CPS1: variants seen among roughly 807,000 people sequenced by gnomAD.
CPS1 encodes the protein carbamoyl-phosphate synthase 1, also known as carbamoyl-phosphate synthase [ammonia], mitochondrial.
CPS1 carries 109 observed loss-of-function variants against 174.6 expected under a neutral mutation model. The observed-to-expected ratio is 0.62, with a 90% CI of 0.53 to 0.73. The LOEUF is 0.73. Among genes scored for constraint, CPS1 ranks in the 30% least tolerant of loss-of-function variants. CPS1 has a pLI of 0.00. For missense variants in CPS1, 1,689 were observed against 1,821.9 expected, an observed-to-expected ratio of 0.93 and a Z score of 1.33; for synonymous variants, 637 against 632.0, an observed-to-expected ratio of 1.01 and a Z score of -0.12.
At chr2:210,585,854 A>T (rs374628398) in intron 6 of CPS1, among the ~76,000 whole-genome samples, 1 of 151,802 alleles carries the variant, frequency 6.6e-6, no homozygotes, top group African/African-American at 2.4e-5. Context: ...CTCTGCTTGT[A>T]TGGGTATCCT....
chr2:210,658,329 T>C, intron 30 of CPS1: 1 of 392,704 alleles, frequency 2.5e-6, no homozygotes, highest in East Asian at 5.8e-5. Flanking sequence ...AACCAGGTTA[T>C]ATAATTGTAG....
intron 5 of CPS1, among the ~76,000 whole-genome samples, chr2:210,582,374 C>T: frequency 6.6e-6 from 1 of 152,120 alleles, no homozygotes; most frequent in East Asian, 1.9e-4. Context: ...TTGACTTTGC[C>T]TTCATCAGGC....
At chr2:210,627,166 C>T (rs999554843) in intron 21 of CPS1, among the ~76,000 whole-genome samples, 2 of 152,108 alleles carry the variant, frequency 1.3e-5, no homozygotes, top group Non-Finnish European at 1.5e-5. Flanking sequence ...GAGGAATTTG[C>T]CCTTTTCCAA....
rs1700258434 is a variant in CPS1, at chr2:210,642,531, C to T, written c.3007C>T (p.Leu1003=). The change falls in exon 25 of 38, where the codon CTG becomes TTG. Residue 1003 remains leucine (L), a synonymous_variant. Transcript: ENST00000233072. ...GTGTGCTGTCTCTAGTATCCGCACA[C>T]TGCGTCAACTTGGCAAGAAGACGGT... ...DWCAVSSIRT[L]RQLGKKTVVV... 1 of 1,613,964 alleles carries T rather than the reference C, an allele frequency of 6.2e-7. No individual in the cohort carries two copies. The highest frequency in any genetic ancestry group is 1.7e-5 in the Admixed American group (1 of 60,004).
intron 1 of CPS1, among the ~76,000 whole-genome samples, chr2:210,571,766 T>C (rs1301480916): frequency 1.3e-5 from 2 of 151,862 alleles, no homozygotes; most frequent in Non-Finnish European, 2.9e-5. Flanking sequence ...TTTTAACATT[T>C]GAAAAATTGA....
chr2:210,509,429 G>A (rs1366530002), intron 1 of CPS1, among the ~76,000 whole-genome samples: 1 of 152,124 alleles, frequency 6.6e-6, no homozygotes, highest in African/African-American at 2.4e-5. Flanking sequence ...ATATCATACT[G>A]AATGGGCAAA....
intron 1 of CPS1, among the ~76,000 whole-genome samples, chr2:210,528,332 C>T (rs948370988): frequency 6.6e-6 from 1 of 151,876 alleles, no homozygotes; most frequent in African/African-American, 2.4e-5. Flanking sequence ...TGTTTTTACA[C>T]TTATACATTA....
chr2:210,639,003 G>C, intron 22 of CPS1, 147 bp from the exon 23 acceptor site: 5 of 650,434 alleles, frequency 7.7e-6, no homozygotes, highest in Admixed American at 2.4e-5. Flanking sequence ...GAATTAGAAA[G>C]CAATTCCACG....
chr2:210,609,991 A>G (rs1298723818), intron 19 of CPS1, among the ~76,000 whole-genome samples: 2 of 151,996 alleles, frequency 1.3e-5, no homozygotes, highest in Non-Finnish European at 2.9e-5. Flanking sequence ...AAATCAACAA[A>G]TTGGCCTTTT....
At position 210,658,693 on chromosome 2, in the gene CPS1, G is replaced by T; in HGVS notation, c.3756+5G>T. On this transcript the variant is annotated splice_donor_5th_base_variant and intron_variant, in intron 31 of 37. Transcript: ENST00000233072. ...GTCAAAGGAAATGATGTCTTGGTAA[G>T]AAATGCCAAGGTGCCTGAGAGGACA... 1 of 1,606,364 alleles carries T rather than the reference G, an allele frequency of 6.2e-7. No individual in the cohort carries two copies. The highest frequency in any genetic ancestry group is 8.5e-7 in the Non-Finnish European group (1 of 1,173,006).
At chr2:210,664,964 AT>A (rs1701043332) in intron 33 of CPS1, among the ~76,000 whole-genome samples, 1 of 152,188 alleles carries the variant, frequency 6.6e-6, no homozygotes, top group South Asian at 2.1e-4. Context: ...AGTAAGGGGC[AT>A]TTTATGTTCC....
At chr2:210,513,471 AT>A (rs1308586076) in intron 1 of CPS1, among the ~76,000 whole-genome samples, 1 of 151,360 alleles carries the variant, frequency 6.6e-6, no homozygotes, top group Non-Finnish European at 1.5e-5. Context: ...ATGAGAAGAC[AT>A]ACGTTGTATG....
Position 210,602,258 on chromosome 2 carries a change from C to A in CPS1, c.1764C>A (p.Ser588=), listed in dbSNP as rs374071271. 2.5e-6 allele frequency: 4 copies of A among 1,612,518 alleles called. No individual in the cohort carries two copies. Among genetic ancestry groups the A allele is most frequent in the Non-Finnish European group, 2.5e-6 (3 of 1,179,106 alleles). The change falls in exon 16 of 38, where the codon TCC becomes TCA. Residue 588 remains serine, a synonymous_variant. Coordinates refer to ENST00000233072, the MANE Select transcript of CPS1 (RefSeq NM_001875.5). ...TTGGCTACCCAGTGATGATCCGTTC[C>A]GCCTATGCACTGGGTGGGTTAGGCT... The part of the protein sequence containing the change: ...DTIGYPVMIR[S]AYALGGLGSG...
chr2:210,564,267 T>C (rs145568556), intron 1 of CPS1, among the ~76,000 whole-genome samples: 1 of 152,312 alleles, frequency 6.6e-6, no homozygotes, highest in African/African-American at 2.4e-5. Flanking sequence ...TCTACTTATA[T>C]GTAACCCCCC....
intron 36 of CPS1, among the ~76,000 whole-genome samples, chr2:210,676,340 C>A (rs6748782): frequency 0.073 from 11,127 of 152,110 alleles, 419 homozygotes; most frequent in Middle Eastern, 0.15. Context: ...AGATTTTGTA[C>A]GACATTTTAT....
At chr2:210,532,354 T>C (rs1022026624) in intron 1 of CPS1, among the ~76,000 whole-genome samples, 4 of 152,168 alleles carry the variant, frequency 2.6e-5, no homozygotes, top group African/African-American at 9.6e-5. Flanking sequence ...TAAAAATTAT[T>C]CTGAAGAATG....
chr2:210,655,618 A>G (rs952436806), intron 29 of CPS1, among the ~76,000 whole-genome samples: 3 of 152,156 alleles, frequency 2.0e-5, no homozygotes, highest in Non-Finnish European at 4.4e-5. Context: ...GCTCTTACTT[A>G]TATGTGGTCT....
At position 210,650,422 on chromosome 2, in the gene CPS1, C is replaced by G. The variant is rs766125631; in HGVS notation, c.3464C>G (p.Ala1155Gly). 1 of 1,612,290 alleles carries G rather than the reference C, an allele frequency of 6.2e-7. No individual in the cohort carries two copies. Among genetic ancestry groups the G allele is most frequent in the South Asian group, 1.1e-5 (1 of 91,052 alleles). The part of the protein sequence containing the change: ...EDEMKKFLEE[A>G]TRVSQEHPVV... ...GAGATGAAAAAATTCCTAGAAGAGG[C>G]GACTAGAGTTTCTCAGGTAGTGTCC... is the stretch of plus-strand genomic sequence containing the variant. Residue 1155 changes from alanine (A) to glycine (G), a missense_variant, in exon 28 of 38, where the codon GCG becomes GGG. Coordinates refer to ENST00000233072, the MANE Select transcript of CPS1 (RefSeq NM_001875.5).
At chr2:210,554,381 T>C (rs1319066650), upstream of CPS1, among the ~76,000 whole-genome samples, 1 of 151,578 alleles carries the variant, frequency 6.6e-6, no homozygotes, top group Non-Finnish European at 1.5e-5. Context: ...CTCTAGACTT[T>C]AGAGTAGGAG....
Sources: gnomAD v4.1 joint callset for allele counts (sites outside exome capture counted in the v4.1 genomes callset) on GRCh38, gnomAD v4.1.1 for gene constraint, MANE v1.5 for transcripts, NCBI Gene and HGNC (gene_info 2026-07-23, HGNC 2026-07-21) for gene names.